ACBD6: variants seen among roughly 807,000 people sequenced by gnomAD.
ACBD6 encodes acyl-CoA binding domain containing 6, also known as acyl-CoA-binding domain-containing protein 6.
ACBD6 carries 28 observed loss-of-function variants against 37.2 expected under a neutral mutation model. The ratio of observed to expected loss-of-function variants is 0.75; its 90% CI spans 0.56 to 1.03. The LOEUF (loss-of-function observed/expected upper bound fraction) is 1.03, where lower values mean the gene tolerates loss of function less well. Ranked by LOEUF, ACBD6 falls within the 50% of genes least tolerant of loss-of-function variation. The pLI, the probability that ACBD6 is intolerant of heterozygous loss-of-function variation, is 0.00. For missense variants in ACBD6, 340 were observed against 337.4 expected, an observed-to-expected ratio of 1.01 and a Z score of -0.06; for synonymous variants, 113 against 126.8, an observed-to-expected ratio of 0.89 and a Z score of 0.73.
intron 6 of ACBD6, among the ~76,000 whole-genome samples, chr1:180,346,245 G>A (rs1395214113): frequency 6.6e-6 from 1 of 152,146 alleles, no homozygotes; most frequent in Non-Finnish European, 1.5e-5. Flanking sequence ...AAGATTTAGG[G>A]GCTTTAGTAG....
At chr1:180,351,954 G>GT (rs1652435786) in intron 6 of ACBD6, among the ~76,000 whole-genome samples, 1 of 152,182 alleles carries the variant, frequency 6.6e-6, no homozygotes, top group African/African-American at 2.4e-5. Context: ...TACAAAGTGA[G>GT]TATTATTTGG....
chr1:180,493,569 A>G (rs1015944824), intron 2 of ACBD6, among the ~76,000 whole-genome samples: 3 of 152,170 alleles, frequency 2.0e-5, no homozygotes, highest in Non-Finnish European at 4.4e-5. Context: ...GGTTTTCTAA[A>G]TTTATTTTCA....
At chr1:180,395,263 T>C (rs1654215428) in intron 6 of ACBD6, among the ~76,000 whole-genome samples, 1 of 152,056 alleles carries the variant, frequency 6.6e-6, no homozygotes, top group South Asian at 2.1e-4. Flanking sequence ...TAGTGTTAGA[T>C]ATTGTGCGTT....
At chr1:180,334,366 T>A (rs112457049) in intron 6 of ACBD6, among the ~76,000 whole-genome samples, 4 of 152,090 alleles carry the variant, frequency 2.6e-5, no homozygotes, top group Non-Finnish European at 5.9e-5. Flanking sequence ...CCAATATCCA[T>A]TGTTCTGCAG....
At chr1:180,315,653 C>A (rs1003098377) in intron 6 of ACBD6, among the ~76,000 whole-genome samples, 1 of 152,126 alleles carries the variant, frequency 6.6e-6, no homozygotes, top group Non-Finnish European at 1.5e-5. Context: ...GGCTCTGGAA[C>A]TTTTTGGCAA....
chr1:180,389,115 T>C (rs1287773401), intron 6 of ACBD6, among the ~76,000 whole-genome samples: 1 of 152,224 alleles, frequency 6.6e-6, no homozygotes, highest in African/African-American at 2.4e-5. Context: ...TGACTCGTCA[T>C]TTAGCATTAG....
At chr1:180,474,890 T>C (rs1200604409) in intron 3 of ACBD6, among the ~76,000 whole-genome samples, 2 of 152,230 alleles carry the variant, frequency 1.3e-5, no homozygotes, top group African/African-American at 4.8e-5. Flanking sequence ...CCCTATAATT[T>C]ACTGTCCAAC....
At chr1:180,336,021 A>T (rs1340725546) in intron 6 of ACBD6, among the ~76,000 whole-genome samples, 13 of 151,986 alleles carry the variant, frequency 8.6e-5, no homozygotes, top group Non-Finnish European at 1.9e-4. Flanking sequence ...GCAAGTCCTT[A>T]GAGACCTAGA....
chr1:180,477,825 T>C (rs1262550720), intron 3 of ACBD6, among the ~76,000 whole-genome samples: 1 of 152,120 alleles, frequency 6.6e-6, no homozygotes, highest in Non-Finnish European at 1.5e-5. Context: ...TCTGCTCTAA[T>C]GCACAAATAA....
intron 6 of ACBD6, among the ~76,000 whole-genome samples, chr1:180,386,456 T>C (rs1653847809): frequency 1.3e-5 from 2 of 152,216 alleles, no homozygotes. Context: ...TCTATAGGTT[T>C]ATGCCTTTTA....
chr1:180,476,189 C>T (rs552209032), intron 3 of ACBD6, among the ~76,000 whole-genome samples: 57 of 152,246 alleles, frequency 3.7e-4, no homozygotes, highest in Middle Eastern at 3.4e-3. Context: ...TGATGCAAAA[C>T]TATGGTGTTA....
exon 14 of ACBD6, chr1:180,271,926 G>C (rs1272667331): frequency 1.2e-6 from 2 of 1,613,504 alleles, no homozygotes; most frequent in East Asian, 2.2e-5. Context: ...AGCGTCAAGA[G>C]GAGCCGGGGC....
intron 3 of ACBD6, among the ~76,000 whole-genome samples, chr1:180,441,973 G>T (rs1421485315): frequency 6.6e-6 from 1 of 152,040 alleles, no homozygotes; most frequent in African/African-American, 2.4e-5. Context: ...CTACCTCTGG[G>T]TTTTTCATAA....
At chr1:180,475,560 A>G (rs1307360332) in intron 3 of ACBD6, among the ~76,000 whole-genome samples, 1 of 151,746 alleles carries the variant, frequency 6.6e-6, no homozygotes. Context: ...CTAATTTTTT[A>G]TTTTTGTAGA....
At chr1:180,365,025 G>A (rs912033038) in intron 6 of ACBD6, among the ~76,000 whole-genome samples, 46 of 152,120 alleles carry the variant, frequency 3.0e-4, no homozygotes, top group Admixed American at 2.6e-3. Flanking sequence ...GAGCCACCGC[G>A]CCTGGCCAAT....
intron 6 of ACBD6, among the ~76,000 whole-genome samples, chr1:180,360,534 C>T (rs1652805579): frequency 6.6e-6 from 1 of 152,130 alleles, no homozygotes; most frequent in African/African-American, 2.4e-5. Context: ...GAATCACAAA[C>T]TCTGGGGTGG....
In ACBD6 at chr1:180,297,697, G is replaced by A. The variant is rs150290705; in HGVS notation, c.695-9180C>T. 6.1e-3 allele frequency among the ~76,000 whole-genome samples: 928 copies of A among 152,200 alleles called. 9 individuals carry two copies. Among genetic ancestry groups the A allele is most frequent in the African/African-American group, 0.021 (880 of 41,524 alleles). On this transcript the variant is annotated intron_variant, in intron 7 of 7. Transcript: ENST00000367595. ...ATTCAAGAGAGTGTTTAGGATTATA[G>A]TATCTTTTTGAGACTTTAAAATTGC...
At chr1:180,423,348 C>T (rs1370863075) in intron 4 of ACBD6, among the ~76,000 whole-genome samples, 1 of 152,124 alleles carries the variant, frequency 6.6e-6, no homozygotes, top group Non-Finnish European at 1.5e-5. Flanking sequence ...TGATTTCAGA[C>T]AGTTATAGAA....
At chr1:180,317,204 G>A (rs1316444762) in intron 6 of ACBD6, among the ~76,000 whole-genome samples, 1 of 152,112 alleles carries the variant, frequency 6.6e-6, no homozygotes, top group Non-Finnish European at 1.5e-5. Flanking sequence ...CAATTATTAT[G>A]TGTCAATTTT....
Sources: gnomAD v4.1 joint callset for allele counts (sites outside exome capture counted in the v4.1 genomes callset) on GRCh38, gnomAD v4.1.1 for gene constraint, MANE v1.5 for transcripts, NCBI Gene and HGNC (gene_info 2026-07-23, HGNC 2026-07-21) for gene names.